The following EXOC4 variants were observed in gnomAD, a reference collection of about 807,000 sequenced individuals.
The protein encoded by EXOC4 is SEC8-like 1.
Under a neutral mutation model 107.2 loss-of-function variants are expected in EXOC4, and 71 were observed. That is an observed-to-expected ratio of 0.66 (90% CI 0.55 to 0.81). EXOC4 has a LOEUF of 0.81. Among genes scored for constraint, EXOC4 ranks in the 30% least tolerant of loss-of-function variants. The pLI is 0.00. For synonymous variants in EXOC4, 456 were observed against 441.2 expected, an observed-to-expected ratio of 1.03 and a Z score of -0.42; for missense variants, 1,108 against 1,189.6, an observed-to-expected ratio of 0.93 and a Z score of 1.01.
At chr7:133,259,833 A>G (rs778918509) in intron 1 of EXOC4, among the ~76,000 whole-genome samples, 14 of 152,208 alleles carry the variant, frequency 9.2e-5, no homozygotes, top group Non-Finnish European at 1.8e-4. Context: ...ATCTTACTCT[A>G]TATACTAATT....
chr7:134,032,454 C>T (rs1167158308), intron 17 of EXOC4, among the ~76,000 whole-genome samples: 1 of 152,216 alleles, frequency 6.6e-6, no homozygotes, highest in Non-Finnish European at 1.5e-5. Flanking sequence ...CCTCTCCACA[C>T]CACATCAAGG....
chr7:133,668,308 T>C (rs1023256347), intron 10 of EXOC4, among the ~76,000 whole-genome samples: 2 of 152,232 alleles, frequency 1.3e-5, no homozygotes, highest in Admixed American at 6.5e-5. Context: ...TCAGTGGTCA[T>C]CTTTCGGTCG....
Position 133,658,784 on chromosome 7 carries a change from C to G in EXOC4, c.1514+28643C>G, listed in dbSNP as rs114933588. ...AAGGTAACAGAAAGGAATACTGTTG[C>G]AATAAGGAGTAAAGATGTGGTGTTT... On this transcript the variant is annotated intron_variant, in intron 10 of 17. Transcript: ENST00000253861. Among the ~76,000 whole-genome samples the G allele has an allele frequency of 2.4e-3, 370 of 152,100 alleles. 5 individuals are homozygous for G. Among genetic ancestry groups the G allele is most frequent in the African/African-American group, 8.4e-3 (347 of 41,510 alleles).
intron 11 of EXOC4, among the ~76,000 whole-genome samples, chr7:133,853,388 AC>A (rs1798281522): frequency 6.9e-6 from 1 of 144,798 alleles, no homozygotes; most frequent in African/African-American, 2.8e-5. Flanking sequence ...ACACACACAC[AC>A]ACACACACAA....
intron 9 of EXOC4, among the ~76,000 whole-genome samples, chr7:133,626,212 A>G (rs200593068): frequency 6.6e-6 from 1 of 151,970 alleles, no homozygotes; most frequent in Non-Finnish European, 1.5e-5. Flanking sequence ...ATCTCCAAAA[A>G]AAAAAGGTTC....
chr7:133,826,444 A>G (rs1013436986), intron 11 of EXOC4, among the ~76,000 whole-genome samples: 10 of 152,204 alleles, frequency 6.6e-5, no homozygotes, highest in South Asian at 2.1e-4. Flanking sequence ...GACCTTAGAC[A>G]AGTCCAAGCT....
At chr7:133,648,876 G>A (rs1803062097) in intron 10 of EXOC4, among the ~76,000 whole-genome samples, 1 of 152,164 alleles carries the variant, frequency 6.6e-6, no homozygotes, top group South Asian at 2.1e-4. Flanking sequence ...TGAAAGGAAA[G>A]CATTGGACAT....
At chr7:134,073,493 T>G in the EXOC4 span, among the ~76,000 whole-genome samples, 1 of 152,066 alleles carries the variant, frequency 6.6e-6, no homozygotes, top group South Asian at 2.1e-4. Flanking sequence ...TCATTAACTC[T>G]GAAGGCTCCA....
intron 17 of EXOC4, among the ~76,000 whole-genome samples, chr7:134,034,609 G>T (rs1319706359): frequency 6.6e-6 from 1 of 152,108 alleles, no homozygotes; most frequent in Non-Finnish European, 1.5e-5. Context: ...TTGTGAACAG[G>T]GTGCCTTGCT....
intron 3 of EXOC4, among the ~76,000 whole-genome samples, chr7:133,301,765 C>T (rs983208900): frequency 6.6e-6 from 1 of 152,064 alleles, no homozygotes; most frequent in African/African-American, 2.4e-5. Context: ...GTGTCTTACT[C>T]ACCTCAACTA....
chr7:133,699,104 G>A (rs1008032494), intron 10 of EXOC4, among the ~76,000 whole-genome samples: 2 of 152,132 alleles, frequency 1.3e-5, no homozygotes, highest in African/African-American at 4.8e-5. Context: ...AAAGAGGATA[G>A]TTCGAAATCT....
chr7:133,444,566 G>C (rs1798176353), intron 7 of EXOC4, among the ~76,000 whole-genome samples: 1 of 152,130 alleles, frequency 6.6e-6, no homozygotes, highest in African/African-American at 2.4e-5. Flanking sequence ...GACTTCCTAT[G>C]AAAAAGATAC....
At chr7:133,950,087 A>G (rs528441067) in intron 14 of EXOC4, among the ~76,000 whole-genome samples, 1 of 152,306 alleles carries the variant, frequency 6.6e-6, no homozygotes, top group East Asian at 1.9e-4. Context: ...CACACAGTGT[A>G]TGGCAAAGAT....
chr7:133,666,278 A>G (rs1391678572), intron 10 of EXOC4, among the ~76,000 whole-genome samples: 2 of 152,164 alleles, frequency 1.3e-5, no homozygotes, highest in Non-Finnish European at 2.9e-5. Flanking sequence ...CCTCTGACAT[A>G]TGTTACAGGA....
chr7:133,279,811 G>A (rs1794089486), intron 2 of EXOC4, among the ~76,000 whole-genome samples: 1 of 152,108 alleles, frequency 6.6e-6, no homozygotes, highest in Admixed American at 6.5e-5. Flanking sequence ...GAGCCGCTGT[G>A]CCTGGCCTAC....
chr7:133,659,493 T>C (rs150001275), intron 10 of EXOC4, among the ~76,000 whole-genome samples: 162 of 152,304 alleles, frequency 1.1e-3, no homozygotes, highest in African/African-American at 3.7e-3. Context: ...TTCCCTTTTT[T>C]TGGCAAAAGC....
At chr7:134,029,822 G>T (rs1455490017) in intron 17 of EXOC4, among the ~76,000 whole-genome samples, 1 of 152,174 alleles carries the variant, frequency 6.6e-6, no homozygotes, top group African/African-American at 2.4e-5. Context: ...TGCCTGGCTG[G>T]TGGCCCTTTT....
At chr7:133,335,482 A>T (rs1795491705) in intron 5 of EXOC4, among the ~76,000 whole-genome samples, 2 of 152,150 alleles carry the variant, frequency 1.3e-5, no homozygotes. Flanking sequence ...TAGTTATTTC[A>T]CTTAGCATAA....
At chr7:133,448,784 A>G (rs1056192556) in intron 7 of EXOC4, among the ~76,000 whole-genome samples, 3 of 152,170 alleles carry the variant, frequency 2.0e-5, no homozygotes, top group Admixed American at 6.5e-5. Context: ...TTGGGTCCCA[A>G]TCTAATGATT....
Sources: allele counts gnomAD v4.1 joint callset (sites outside exome capture counted in the v4.1 genomes callset), GRCh38; gene constraint gnomAD v4.1.1; transcripts MANE v1.5; gene names NCBI Gene and HGNC (gene_info 2026-07-23, HGNC 2026-07-21).